Variants in KIAA0040 observed in about 807,000 individuals in gnomAD.
The protein encoded by KIAA0040 is KIAA0040.
A neutral mutation model predicts 7.2 loss-of-function variants in KIAA0040; 10 were observed. That is an observed-to-expected ratio of 1.38 (90% CI 0.85 to 2.34). KIAA0040 has a LOEUF of 2.34. KIAA0040 is among the 30% of genes most tolerant of loss of function. KIAA0040 has a pLI of 0.00. For missense variants in KIAA0040, 89 were observed against 108.2 expected, an observed-to-expected ratio of 0.82 and a Z score of 0.79; for synonymous variants, 49 against 40.1, an observed-to-expected ratio of 1.22 and a Z score of -0.84.
rs1386767279 is a variant in KIAA0040, at chr1:175,159,778, G to A, written c.*936C>T. The A allele has an allele frequency of 1.3e-5, 2 of 152,184 alleles. No individual in the cohort carries two copies. The highest frequency in any genetic ancestry group is 2.9e-5 in the Non-Finnish European group (2 of 68,036). The allele number at this position is 152,184 out of a possible 1,614,324, so 9.4% of individuals were successfully genotyped here. The stretch of plus-strand genomic sequence containing the variant: ...CACAGGTACACAGTTGCAGTCCACT[G>A]ACATAAATGAGTGGGCTTCCATAAT... On this transcript the variant is annotated 3_prime_UTR_variant, in exon 4 of 4. Transcript: ENST00000423313.
rs533865974 is a variant in KIAA0040 at position 175,185,473 on chromosome 1, C to T, written c.-384+7167G>A. Reference sequence around the variant, plus strand: ...AAATAATCCCGAATCTCTAGGGCAACGAGAGGTAGTATTTAATATCTTTTA... The same window carrying T: ...AAATAATCCCGAATCTCTAGGGCAATGAGAGGTAGTATTTAATATCTTTTA... On this transcript the variant is annotated intron_variant, in intron 1 of 3. Coordinates refer to ENST00000423313, the MANE Select transcript of KIAA0040 (RefSeq NM_014656.3). 1.1e-4 allele frequency among the ~76,000 whole-genome samples: 17 copies of T among 152,124 alleles called. No individual in the cohort carries two copies. In the South Asian group the frequency reaches 2.1e-3, roughly 19 times the overall value.
chr1:175,182,131 C>T (rs955503575), intron 1 of KIAA0040, among the ~76,000 whole-genome samples: 6 of 152,086 alleles, frequency 3.9e-5, no homozygotes, highest in East Asian at 1.9e-4. Context: ...CTTGAGTGTC[C>T]GGGGATAGGG....
At position 175,160,564 on chromosome 1, in the gene KIAA0040, T is replaced by C. The variant is rs752902863; in HGVS notation, c.*150A>G. The C allele has an allele frequency of 1.0e-4, 80 of 771,326 alleles. 1 individual carries two copies. The highest frequency in any genetic ancestry group is 1.4e-4 in the Non-Finnish European group (70 of 495,174). The allele number at this position is 771,326 out of a possible 1,614,324, so 47.8% of individuals were successfully genotyped here. A position where few individuals can be genotyped will look rare whatever the true frequency, so the allele number is the denominator to read the frequency against. On this transcript the variant is annotated 3_prime_UTR_variant, in exon 4 of 4. Transcript: ENST00000423313. ...CGTGGTCCCTGGGACTGCCCTCCAC[T>C]GGGACACTTAGTCTGAGGTTTGTTC... is the stretch of plus-strand genomic sequence containing the variant.
intron 3 of KIAA0040, among the ~76,000 whole-genome samples, chr1:175,161,720 G>A (rs1355109668): frequency 1.3e-5 from 2 of 152,078 alleles, no homozygotes; most frequent in Non-Finnish European, 2.9e-5. Flanking sequence ...CCTGCTTTCC[G>A]TGCTGTCCCC....
intron 3 of KIAA0040, among the ~76,000 whole-genome samples, chr1:175,161,952 G>A (rs1201464435): frequency 2.0e-5 from 3 of 152,188 alleles, no homozygotes; most frequent in Non-Finnish European, 4.4e-5. Context: ...CTATGGGAGA[G>A]GAGTCCTTGC....
intron 1 of KIAA0040, among the ~76,000 whole-genome samples, chr1:175,188,517 C>G (rs1331042848): frequency 6.6e-6 from 1 of 152,196 alleles, no homozygotes; most frequent in Non-Finnish European, 1.5e-5. Context: ...CACCTGGAAC[C>G]CTTCTCACTG....
chr1:175,190,469 A>G (rs913611393), intron 1 of KIAA0040, among the ~76,000 whole-genome samples: 7 of 152,214 alleles, frequency 4.6e-5, no homozygotes, highest in Admixed American at 1.3e-4. Context: ...AATATGCCTA[A>G]AGTGTTCATC....
chr1:175,161,530 T>C (rs1676543273), intron 3 of KIAA0040, among the ~76,000 whole-genome samples: 1 of 152,210 alleles, frequency 6.6e-6, no homozygotes, highest in Non-Finnish European at 1.5e-5. Flanking sequence ...ACCTGACAGA[T>C]GTTGAACACA....
chr1:175,189,949 C>T (rs1476608620), intron 1 of KIAA0040, among the ~76,000 whole-genome samples: 1 of 152,208 alleles, frequency 6.6e-6, no homozygotes, highest in Non-Finnish European at 1.5e-5. Context: ...ATGCAGGTCA[C>T]ACAAGATCCT....
chr1:175,188,331 A>G (rs1476890553), intron 1 of KIAA0040, among the ~76,000 whole-genome samples: 1 of 152,200 alleles, frequency 6.6e-6, no homozygotes, highest in African/African-American at 2.4e-5. Context: ...CAGATGGCTC[A>G]GACTGATGTG....
intron 2 of KIAA0040, among the ~76,000 whole-genome samples, chr1:175,173,712 T>G (rs1348383684): frequency 6.6e-6 from 1 of 152,180 alleles, no homozygotes; most frequent in Non-Finnish European, 1.5e-5. Context: ...GGTGCACTCT[T>G]GATTACGATG....
At chr1:175,184,944 A>C (rs1238417527) in intron 1 of KIAA0040, among the ~76,000 whole-genome samples, 4 of 152,194 alleles carry the variant, frequency 2.6e-5, no homozygotes. Context: ...CTTATTCATC[A>C]GTGGTGGCAG....
At chr1:175,170,543 T>C (rs141826710) in intron 2 of KIAA0040, among the ~76,000 whole-genome samples, 1 of 152,304 alleles carries the variant, frequency 6.6e-6, no homozygotes, top group Non-Finnish European at 1.5e-5. Context: ...CCGCCCTAGC[T>C]GTTTATCACA....
At chr1:175,188,678 T>C (rs1677755179) in intron 1 of KIAA0040, among the ~76,000 whole-genome samples, 2 of 152,192 alleles carry the variant, frequency 1.3e-5, no homozygotes, top group Non-Finnish European at 2.9e-5. Flanking sequence ...CAATGTTGTT[T>C]CTCTTCTTGA....
chr1:175,173,467 C>T (rs1165290215), intron 2 of KIAA0040, among the ~76,000 whole-genome samples: 1 of 152,196 alleles, frequency 6.6e-6, no homozygotes, highest in African/African-American at 2.4e-5. Context: ...GCCCATCCTA[C>T]AGATGAGGAA....
intron 2 of KIAA0040, among the ~76,000 whole-genome samples, chr1:175,174,898 G>T (rs1162217368): frequency 6.6e-6 from 1 of 151,992 alleles, no homozygotes; most frequent in Non-Finnish European, 1.5e-5. Context: ...GAACTATCTT[G>T]GTTATATAGT....
At chr1:175,181,944 C>T (rs557224329) in intron 1 of KIAA0040, among the ~76,000 whole-genome samples, 1 of 152,352 alleles carries the variant, frequency 6.6e-6, no homozygotes, top group Non-Finnish European at 1.5e-5. Flanking sequence ...GGCTTCAACA[C>T]TAAAACAGCT....
At chr1:175,170,321 C>T (rs947639885) in intron 2 of KIAA0040, among the ~76,000 whole-genome samples, 1 of 152,140 alleles carries the variant, frequency 6.6e-6, no homozygotes, top group African/African-American at 2.4e-5. Context: ...CCCTTTATCC[C>T]CATTGTTACC....
At chr1:175,188,303 C>A (rs895403757) in intron 1 of KIAA0040, among the ~76,000 whole-genome samples, 8 of 152,098 alleles carry the variant, frequency 5.3e-5, no homozygotes, top group Admixed American at 5.2e-4. Flanking sequence ...CACTCATGTC[C>A]CCAGATGATG....
Sources: allele counts gnomAD v4.1 joint callset (sites outside exome capture counted in the v4.1 genomes callset), GRCh38; gene constraint gnomAD v4.1.1; transcripts MANE v1.5; gene names NCBI Gene and HGNC (gene_info 2026-07-23, HGNC 2026-07-21).